The following THSD7A variants were observed in gnomAD, a reference collection of about 807,000 sequenced individuals.
THSD7A encodes thrombospondin type 1 domain containing 7A.
Under a neutral mutation model 231.3 loss-of-function variants are expected in THSD7A, and 96 were observed. That is an observed-to-expected ratio of 0.41 (90% confidence interval 0.35 to 0.49). The LOEUF (loss-of-function observed/expected upper bound fraction) is 0.49, where lower values mean the gene tolerates loss of function less well. Among genes scored for constraint, THSD7A ranks in the 20% least tolerant of loss-of-function variants. The pLI is 0.05. For synonymous variants in THSD7A, 940 were observed against 743.3 expected, an observed-to-expected ratio of 1.26 and a Z score of -4.30; for missense variants, 2,290 against 2,070.2, an observed-to-expected ratio of 1.11 and a Z score of -2.06.
chr7:11,488,623 C>T (rs1053795404), intron 6 of THSD7A, among the ~76,000 whole-genome samples: 1 of 152,070 alleles, frequency 6.6e-6, no homozygotes, highest in South Asian at 2.1e-4. Context: ...TCCATTTTCT[C>T]TTCCAAATCT....
chr7:11,824,461 T>A (rs1784967155), intron 1 of THSD7A, among the ~76,000 whole-genome samples: 1 of 152,030 alleles, frequency 6.6e-6, no homozygotes, highest in Non-Finnish European at 1.5e-5. Flanking sequence ...CTCTATACAG[T>A]AATAATGGGC....
intron 6 of THSD7A, among the ~76,000 whole-genome samples, chr7:11,490,763 G>A (rs895734822): frequency 2.2e-4 from 34 of 151,860 alleles, no homozygotes; most frequent in African/African-American, 8.2e-4. Context: ...TAGTTTTTTA[G>A]TAACTAGTTC....
At position 11,411,362 on chromosome 7, in the gene THSD7A, A is replaced by G. The variant is rs766389362; in HGVS notation, c.3683-40T>C. ...AGCCCATCAGAACAGAAGGCTAAGT[A>G]AGAAACAGATTTCAAATGAAACTCT... is the stretch of plus-strand genomic sequence containing the variant. On this transcript the variant is annotated intron_variant, in intron 18 of 27. Transcript: ENST00000423059. The surrounding 1 kb of genome is among the most constrained non-coding windows in gnomAD (Gnocchi z 4.1). 1 of 1,388,558 alleles carries G rather than the reference A, an allele frequency of 7.2e-7. No homozygotes were observed. The highest frequency in any genetic ancestry group is 2.3e-5 in the East Asian group (1 of 43,798). 86.0% of individuals were successfully genotyped at this position (1,388,558 alleles called of 1,614,324 possible). A position where few individuals can be genotyped will look rare whatever the true frequency, so the allele number is the denominator to read the frequency against.
intron 11 of THSD7A, among the ~76,000 whole-genome samples, chr7:11,455,143 T>C (rs1296789207): frequency 6.6e-6 from 1 of 152,012 alleles, no homozygotes. Flanking sequence ...GCCTTGTTTT[T>C]TCTCTGCCAT....
chr7:11,728,732 G>A (rs1464125800), intron 1 of THSD7A, among the ~76,000 whole-genome samples: 1 of 151,780 alleles, frequency 6.6e-6, no homozygotes, highest in Admixed American at 6.6e-5. Flanking sequence ...TATATACCAA[G>A]TAGACTGAGA....
chr7:11,570,737 A>G (rs535910603), intron 4 of THSD7A, among the ~76,000 whole-genome samples: 1 of 152,336 alleles, frequency 6.6e-6, no homozygotes, highest in African/African-American at 2.4e-5. Flanking sequence ...TTGAACATGC[A>G]GGAAAAAATG....
Position 11,706,630 on chromosome 7 carries a change from C to CTTTTTTTTTTTTTTTTTTTTTT in THSD7A, c.191-69691_191-69670dup, listed in dbSNP as rs66964252. Among the ~76,000 whole-genome samples the CTTTTTTTTTTTTTTTTTTTTTT allele has an allele frequency of 2.4e-4, 16 of 66,394 alleles. 1 individual carries two copies. The highest frequency in any genetic ancestry group is 5.0e-4 in the African/African-American group (8 of 16,102). 43.6% of individuals were successfully genotyped at this position (66,394 alleles called of 152,430 possible). On this transcript the variant is annotated intron_variant, in intron 1 of 27. Transcript: ENST00000423059. ...ATTGACTAAAAATTTTAACAAGGTG[C>CTTTTTTTTTTTTTTTTTTTTTT]TTTTTTTTTTTTTTTTTTTTTTTTT...
At chr7:11,518,806 A>C (rs1788145321) in intron 6 of THSD7A, among the ~76,000 whole-genome samples, 1 of 148,852 alleles carries the variant, frequency 6.7e-6, no homozygotes, top group Non-Finnish European at 1.5e-5. Context: ...CATGTGAAAT[A>C]ATAAATTATC....
intron 1 of THSD7A, among the ~76,000 whole-genome samples, chr7:11,735,577 T>A (rs924196887): frequency 1.3e-5 from 2 of 151,890 alleles, no homozygotes; most frequent in African/African-American, 4.8e-5. Context: ...TTTCAAAATC[T>A]GAAAAAATCT....
At chr7:11,511,425 A>G (rs1205453156) in intron 6 of THSD7A, among the ~76,000 whole-genome samples, 1 of 152,214 alleles carries the variant, frequency 6.6e-6, no homozygotes, top group Non-Finnish European at 1.5e-5. Context: ...CAGAATTGGG[A>G]AAAACTACTT....
intron 6 of THSD7A, among the ~76,000 whole-genome samples, chr7:11,519,879 T>C (rs576191360): frequency 3.3e-5 from 5 of 152,338 alleles, no homozygotes; most frequent in African/African-American, 7.2e-5. Context: ...TCTTAAGCTA[T>C]TGGCTCTTCA....
intron 6 of THSD7A, among the ~76,000 whole-genome samples, chr7:11,540,196 T>C (rs1410213672): frequency 6.6e-6 from 1 of 152,170 alleles, no homozygotes; most frequent in South Asian, 2.1e-4. Context: ...ATAAAATTCA[T>C]CATAAAAGAT....
rs1188068285 is a variant in THSD7A, at chr7:11,406,271, G to A, written c.4237+29C>T. On this transcript the variant is annotated intron_variant, in intron 22 of 27. Transcript: ENST00000423059. The surrounding 1 kb of genome is among the most constrained non-coding windows in gnomAD (Gnocchi z 4.7). Reference sequence around the variant, plus strand: ...CCCTTGTCCTAGGAAAAAATAATCAGAATATGAATTCTCCTTTGCCGTTGT... The same window carrying A: ...CCCTTGTCCTAGGAAAAAATAATCAAAATATGAATTCTCCTTTGCCGTTGT... 1 of 1,579,078 alleles carries A rather than the reference G, an allele frequency of 6.3e-7. No homozygotes were observed. Among genetic ancestry groups the A allele is most frequent in the East Asian group, 2.2e-5 (1 of 44,560 alleles).
intron 1 of THSD7A, among the ~76,000 whole-genome samples, chr7:11,669,408 G>C (rs1783284092): frequency 6.6e-6 from 1 of 151,802 alleles, no homozygotes; most frequent in Non-Finnish European, 1.5e-5. Context: ...TAAGATGCTT[G>C]GCTTGTTTTT....
intron 1 of THSD7A, among the ~76,000 whole-genome samples, chr7:11,790,490 T>G (rs1783919413): frequency 6.6e-6 from 1 of 151,884 alleles, no homozygotes; most frequent in Admixed American, 6.6e-5. Flanking sequence ...CAGGAAGGAT[T>G]CATGTCTATA....
intron 1 of THSD7A, among the ~76,000 whole-genome samples, chr7:11,684,656 A>G (rs1229800001): frequency 6.6e-6 from 1 of 151,938 alleles, no homozygotes; most frequent in African/African-American, 2.4e-5. Context: ...AAAAATATCT[A>G]AAAATACATG....
chr7:11,379,612 T>G lies in THSD7A; in HGVS notation c.4590+18A>C. 6.4e-7 allele frequency: 1 copy of G among 1,566,512 alleles called. No individual in the cohort carries two copies. The highest frequency in any genetic ancestry group is 1.2e-5 in the South Asian group (1 of 85,118). ...CATGATGGAGCTGGCTTGTCTGCCC[T>G]GATGAATTTTCACATACCTCGCTAC... On this transcript the variant is annotated intron_variant, in intron 25 of 27. Transcript: ENST00000423059.
chr7:11,453,251 T>C (rs1785199997), intron 11 of THSD7A, among the ~76,000 whole-genome samples: 1 of 151,878 alleles, frequency 6.6e-6, no homozygotes, highest in Admixed American at 6.6e-5. Context: ...GCATAAAATA[T>C]AGTTAAATTA....
At chr7:11,744,250 A>G (rs969846045) in intron 1 of THSD7A, among the ~76,000 whole-genome samples, 1 of 151,798 alleles carries the variant, frequency 6.6e-6, no homozygotes, top group African/African-American at 2.4e-5. Context: ...ATCAAACCCT[A>G]CATTTCTCCT....
Sources: gnomAD v4.1 joint callset for allele counts (sites outside exome capture counted in the v4.1 genomes callset) on GRCh38, gnomAD v4.1.1 for gene constraint, Gnocchi (gnomAD v3.1) non-coding constraint, MANE v1.5 for transcripts, NCBI Gene and HGNC (gene_info 2026-07-23, HGNC 2026-07-21) for gene names.